Variants in OOEP observed in about 807,000 individuals in gnomAD.
OOEP encodes oocyte-expressed protein homolog.
In OOEP, 16 loss-of-function variants were observed where a neutral mutation model predicts 13.7. That is an observed-to-expected ratio of 1.16 (90% CI 0.79 to 1.77). The LOEUF (loss-of-function observed/expected upper bound fraction) is 1.77. OOEP is among the 40% of genes most tolerant of loss of function. The probability of loss-of-function intolerance (pLI) is 0.00; values close to 1 mark genes in which losing one functional copy is unlikely to be tolerated. For synonymous variants in OOEP, 89 were observed against 77.1 expected (o/e 1.15, Z -0.81); for missense variants, 195 against 193.1 (o/e 1.01, Z -0.06).
chr6:73,368,884 A>G (rs748626722), intron 2 of OOEP, 21 bp from the exon 3 acceptor site: 1 of 1,579,560 alleles, frequency 6.3e-7, no homozygotes, highest in Non-Finnish European at 8.7e-7. Flanking sequence ...AGCAGTTGAT[A>G]CTAACCATGG....
At position 73,369,748 on chromosome 6, in the gene OOEP, CTGTT is replaced by C; in HGVS notation, c.41_44del (p.Lys14ArgfsTer32). The C allele has an allele frequency of 6.2e-7, 1 of 1,614,034 alleles. No homozygotes were observed. Among genetic ancestry groups the C allele is most frequent in the Non-Finnish European group, 8.5e-7 (1 of 1,179,892 alleles). ...GCTGCTCCAGGGAGTGGGCCGGAGTCTGTTTGCCCCGCTGGGACTCAGCGGCACC... is the reference window on the plus strand; with the variant it reads ...GCTGCTCCAGGGAGTGGGCCGGAGTCTGCCCCGCTGGGACTCAGCGGCACC... On this transcript the variant is annotated frameshift_variant, in exon 1 of 3. Transcript: ENST00000370359. LOFTEE classifies it high-confidence loss of function.
chr6:73,393,504 C>T (rs1451755085), intron 2 of OOEP, among the ~76,000 whole-genome samples: 4 of 152,178 alleles, frequency 2.6e-5, no homozygotes, highest in Admixed American at 6.5e-5. Flanking sequence ...GCTGCAGTGA[C>T]GGTAATGCTT....
intron 2 of OOEP, among the ~76,000 whole-genome samples, chr6:73,376,087 C>G (rs12663695): frequency 0.021 from 3,123 of 152,182 alleles, 244 homozygotes; most frequent in East Asian, 0.14. Flanking sequence ...CCCAGCCGAT[C>G]TCCCATTTTT....
intron 2 of OOEP, among the ~76,000 whole-genome samples, chr6:73,385,153 T>A (rs1030612743): frequency 2.0e-5 from 3 of 151,646 alleles, no homozygotes; most frequent in Non-Finnish European, 4.4e-5. Context: ...GAGACCATCC[T>A]GGCTAACATG....
intron 2 of OOEP, among the ~76,000 whole-genome samples, chr6:73,381,282 A>C (rs1405512782): frequency 6.6e-6 from 1 of 151,744 alleles, no homozygotes; most frequent in Non-Finnish European, 1.5e-5. Flanking sequence ...AATAGCAGTG[A>C]ATGAGAAGGG....
Position 73,369,803 on chromosome 6 carries a change from G to A in OOEP, c.-11C>T, listed in dbSNP as rs773623789. The A allele has an allele frequency of 6.2e-7, 1 of 1,608,822 alleles. No homozygotes were observed. Reference sequence around the variant, plus strand: ...AGCATCATCGACCATACTGGGACCAGCAGCCGCGGAGCGCGCTCGAGGCGG... The same window carrying A: ...AGCATCATCGACCATACTGGGACCAACAGCCGCGGAGCGCGCTCGAGGCGG... On this transcript the variant is annotated 5_prime_UTR_variant, in exon 1 of 3. Transcript: ENST00000370359.
intron 2 of OOEP, among the ~76,000 whole-genome samples, chr6:73,380,343 G>C (rs1291860802): frequency 1.3e-5 from 2 of 151,530 alleles, no homozygotes; most frequent in African/African-American, 4.9e-5. Flanking sequence ...TGTCTCCTGG[G>C]CTTAAGCGAT....
At chr6:73,395,136 C>T (rs1359162963), upstream of OOEP, 4 of 1,613,462 alleles carry the variant, frequency 2.5e-6, no homozygotes, top group East Asian at 8.9e-5. Flanking sequence ...TGAAGAGCCA[C>T]TTTGTTGGCG....
In OOEP at chr6:73,394,523, C is replaced by G. The variant is rs1341858086; in HGVS notation, c.-118-35G>C. ...AAGAAAAAAAAAAGTTTCCAAGGCACTGAGATGCCAGGAACCCGAGGTGTG... is the reference window on the plus strand; with the variant it reads ...AAGAAAAAAAAAAGTTTCCAAGGCAGTGAGATGCCAGGAACCCGAGGTGTG... On this transcript the variant is annotated intron_variant, in intron 1 of 3. Transcript: ENST00000370363. 3.4e-5 allele frequency: 20 copies of G among 596,950 alleles called. No homozygotes were observed. In the South Asian group the frequency reaches 4.1e-4, roughly 12 times the overall value. The allele number at this position is 596,950 out of a possible 1,614,324, so 37.0% of individuals were successfully genotyped here. A position where few individuals can be genotyped will look rare whatever the true frequency, so the allele number is the denominator to read the frequency against.
chr6:73,386,125 G>A (rs1454320604), intron 2 of OOEP, among the ~76,000 whole-genome samples: 2 of 132,018 alleles, frequency 1.5e-5, no homozygotes, highest in East Asian at 2.3e-4. Context: ...ACAGAGTTTC[G>A]CTCTTGTTGC....
chr6:73,369,189 T>A lies in OOEP; in HGVS notation c.370+17A>T, dbSNP rs766063276. 3.1e-6 allele frequency: 5 copies of A among 1,600,500 alleles called. No homozygotes were observed. Among genetic ancestry groups the A allele is most frequent in the South Asian group, 2.2e-5 (2 of 89,384 alleles). On this transcript the variant is annotated intron_variant, in intron 2 of 2. Coordinates refer to ENST00000370359, the MANE Select transcript of OOEP (RefSeq NM_001080507.3). ...ACTCGTGGCTTCCTCCACATGCAGG[T>A]TCTCAAAGACCCTCACCTCGGGCAC...
intron 2 of OOEP, among the ~76,000 whole-genome samples, chr6:73,375,179 G>C (rs1478437723): frequency 6.6e-6 from 1 of 152,098 alleles, no homozygotes; most frequent in African/African-American, 2.4e-5. Context: ...GAGTAGCTTT[G>C]GTTGTATTTA....
chr6:73,372,895 CTCTT>C (rs1272547311), upstream of OOEP, among the ~76,000 whole-genome samples: 2 of 149,874 alleles, frequency 1.3e-5, no homozygotes, highest in Non-Finnish European at 3.0e-5. Context: ...TTCTCACCTT[CTCTT>C]TTTCTTTCCT....
exon 1 of OOEP, chr6:73,394,907 T>C: frequency 6.2e-7 from 1 of 1,614,052 alleles, no homozygotes; most frequent in Non-Finnish European, 8.5e-7. Flanking sequence ...CTTGGAACAA[T>C]GTCCCACCAC....
At chr6:73,376,028 C>T (rs1367661099) in intron 2 of OOEP, among the ~76,000 whole-genome samples, 1 of 152,080 alleles carries the variant, frequency 6.6e-6, no homozygotes. Context: ...AAGTAATCCA[C>T]CCACCTCAGC....
intron 2 of OOEP, among the ~76,000 whole-genome samples, chr6:73,383,401 C>T (rs1245368834): frequency 8.5e-5 from 13 of 152,212 alleles, no homozygotes; most frequent in African/African-American, 3.1e-4. Context: ...TTTGGTAGGC[C>T]GAGGTGGGTG....
chr6:73,381,957 G>C (rs1441195138), intron 2 of OOEP, among the ~76,000 whole-genome samples: 2 of 152,050 alleles, frequency 1.3e-5, no homozygotes, highest in Non-Finnish European at 2.9e-5. Flanking sequence ...TTCCAGCCTG[G>C]GTGATACAGT....
At chr6:73,385,719 C>G (rs1035478171) in intron 2 of OOEP, among the ~76,000 whole-genome samples, 1 of 151,808 alleles carries the variant, frequency 6.6e-6, no homozygotes, top group African/African-American at 2.4e-5. Flanking sequence ...TCCTGAGTAG[C>G]TGGGATTATA....
upstream of OOEP, among the ~76,000 whole-genome samples, chr6:73,371,581 T>A (rs1334276869): frequency 2.0e-5 from 3 of 152,052 alleles, no homozygotes; most frequent in Non-Finnish European, 2.9e-5. Flanking sequence ...AAACCTAGTC[T>A]GTACTAAAAA....
Sources: allele counts gnomAD v4.1 joint callset (sites outside exome capture counted in the v4.1 genomes callset), GRCh38; gene constraint gnomAD v4.1.1; transcripts MANE v1.5; gene names NCBI Gene and HGNC (gene_info 2026-07-23, HGNC 2026-07-21).